PCDHGB4: variants seen among roughly 807,000 people sequenced by gnomAD.
PCDHGB4 encodes protocadherin gamma subfamily B, 4, also known as protocadherin gamma-B4.
A neutral mutation model predicts 60.5 loss-of-function variants in PCDHGB4; 38 were observed. The ratio of observed to expected loss-of-function variants is 0.63; its 90% CI spans 0.48 to 0.82. The LOEUF (loss-of-function observed/expected upper bound fraction) is 0.82, where lower values mean the gene tolerates loss of function less well. Ranked by LOEUF, PCDHGB4 falls within the 40% of genes least tolerant of loss-of-function variation. The probability of loss-of-function intolerance (pLI) is 0.00; values close to 1 mark genes in which losing one functional copy is unlikely to be tolerated. For missense variants in PCDHGB4, 1,109 were observed against 1,209.6 expected, an observed-to-expected ratio of 0.92 and a Z score of 1.23; for synonymous variants, 456 against 509.7, an observed-to-expected ratio of 0.89 and a Z score of 1.42.
intron 1 of PCDHGB4, chr5:141,398,312 C>A: frequency 1.5e-6 from 2 of 1,355,208 alleles, no homozygotes; most frequent in East Asian, 2.5e-5. Flanking sequence ...CAGGAGTTAC[C>A]GACTCGAAAA....
chr5:141,417,709 C>T lies in PCDHGB4; in HGVS notation c.2397+27428C>T, dbSNP rs533902963. 1.5e-5 allele frequency: 18 copies of T among 1,238,872 alleles called. No individual in the cohort carries two copies. The East Asian group carries it at 1.8e-4, about 12-fold the overall frequency. 76.7% of individuals were successfully genotyped at this position (1,238,872 alleles called of 1,614,324 possible). ...AAGAAAACCAGCTCCCACACAGAGG[C>T]TCCCGGCTGCGCAGACCTTGCCCAG... On this transcript the variant is annotated intron_variant, in intron 1 of 3. Coordinates refer to ENST00000519479, the MANE Select transcript of PCDHGB4 (RefSeq NM_003736.4).
intron 1 of PCDHGB4, chr5:141,421,720 G>T: frequency 6.2e-7 from 1 of 1,613,906 alleles, no homozygotes. Context: ...AGATGTGGGC[G>T]TGAACTCCCT....
rs2091950734 is a variant in PCDHGB4 at position 141,389,862 on chromosome 5, C to T, written c.1978C>T (p.Leu660=). ...PPLSATATLH[L]VFADSLQEVL... ...ACTCTCGGCCACTGCCACGTTGCAC[C>T]TGGTCTTCGCCGACAGCTTGCAGGA... The change falls in exon 1 of 4, where the codon CTG becomes TTG. Residue 660 remains leucine (L), a synonymous_variant. Coordinates refer to ENST00000519479, the MANE Select transcript of PCDHGB4 (RefSeq NM_003736.4). 1 of 1,613,964 alleles carries T rather than the reference C, an allele frequency of 6.2e-7. No homozygotes were observed. The highest frequency in any genetic ancestry group is 1.3e-5 in the African/African-American group (1 of 74,956).
intron 1 of PCDHGB4, chr5:141,416,112 T>C (rs555358881): frequency 6.4e-6 from 1 of 156,492 alleles, no homozygotes; most frequent in Non-Finnish European, 1.4e-5. Context: ...TTTTTCAAAC[T>C]ACATTTTATA....
chr5:141,501,302 C>T (rs886901737), intron 2 of PCDHGB4, among the ~76,000 whole-genome samples: 14 of 151,156 alleles, frequency 9.3e-5, no homozygotes, highest in African/African-American at 2.9e-4. Flanking sequence ...CACACACACA[C>T]ACACACACAC....
chr5:141,428,594 G>A (rs1317075888), intron 1 of PCDHGB4: 4 of 227,916 alleles, frequency 1.8e-5, no homozygotes, highest in African/African-American at 9.1e-5. Context: ...CTGGTAGCAA[G>A]CTTCACTGAA....
At position 141,431,914 on chromosome 5, in the gene PCDHGB4, C is replaced by A. The variant is rs745837291; in HGVS notation, c.2397+41633C>A. 6.2e-7 allele frequency: 1 copy of A among 1,613,912 alleles called. No individual in the cohort carries two copies. Among genetic ancestry groups the A allele is most frequent in the African/African-American group, 1.3e-5 (1 of 75,070 alleles). On this transcript the variant is annotated intron_variant, in intron 1 of 3. Transcript: ENST00000519479. The surrounding 1 kb of genome is among the most constrained non-coding windows in gnomAD (Gnocchi z 4.8). ...AGGAAAACGGACAGGTGATCTGTTT[C>A]ATCCAAGGAAATCTGCCCTTTAAAT...
intron 1 of PCDHGB4, chr5:141,418,787 G>A: frequency 6.2e-7 from 1 of 1,613,794 alleles, no homozygotes; most frequent in Non-Finnish European, 8.5e-7. Context: ...TTTGGATTTT[G>A]AAGAAGTAGA....
At chr5:141,426,480 C>T (rs1379758117) in intron 1 of PCDHGB4, 4 of 325,590 alleles carry the variant, frequency 1.2e-5, no homozygotes, top group Non-Finnish European at 1.8e-5. Flanking sequence ...TGACCTGAAA[C>T]CTTAGAGTTA....
intron 1 of PCDHGB4, among the ~76,000 whole-genome samples, chr5:141,401,288 G>A (rs973425272): frequency 1.3e-5 from 2 of 152,094 alleles, no homozygotes; most frequent in Non-Finnish European, 2.9e-5. Flanking sequence ...GTTGCGGTGA[G>A]CCGAGATCAC....
chr5:141,489,314 G>T lies in PCDHGB4; in HGVS notation c.2398-5493G>T. ...TGCATGTTGTCCTTGTGCTGCTGGG[G>T]CTGGGTGTCTGGGCAGCTTCGTTAC... On this transcript the variant is annotated intron_variant, in intron 1 of 3. Transcript: ENST00000519479. This position sits in a 1 kb window ranked among gnomAD's most constrained non-coding sequence, Gnocchi z 4.5. 6.3e-7 allele frequency: 1 copy of T among 1,596,908 alleles called. No individual in the cohort carries two copies. The highest frequency in any genetic ancestry group is 8.5e-7 in the Non-Finnish European group (1 of 1,170,694).
chr5:141,436,040 C>A (rs989038133), intron 1 of PCDHGB4, among the ~76,000 whole-genome samples: 2 of 152,060 alleles, frequency 1.3e-5, no homozygotes, highest in African/African-American at 4.8e-5. Context: ...TTTGTATTTA[C>A]ATTAGTTTTC....
chr5:141,395,070 T>G lies in PCDHGB4; in HGVS notation c.2397+4789T>G. Reference sequence around the variant, plus strand: ...GGAGGTACAGGCTTTCCTGCAGACCTATTCCCAGGAAGTCTCCCTCACCGC... The same window carrying G: ...GGAGGTACAGGCTTTCCTGCAGACCGATTCCCAGGAAGTCTCCCTCACCGC... On this transcript the variant is annotated intron_variant, in intron 1 of 3. Transcript: ENST00000519479. 1 of 1,614,158 alleles carries G rather than the reference T, an allele frequency of 6.2e-7. No homozygotes were observed. The highest frequency in any genetic ancestry group is 1.3e-5 in the African/African-American group (1 of 75,046).
At chr5:141,393,319 G>A (rs2092728293) in intron 1 of PCDHGB4, 1 of 1,612,192 alleles carries the variant, frequency 6.2e-7, no homozygotes, top group Admixed American at 1.7e-5. Flanking sequence ...TCCCTCCAGA[G>A]CTACCAGCTC....
chr5:141,422,115 T>C, intron 1 of PCDHGB4: 1 of 1,605,004 alleles, frequency 6.2e-7, no homozygotes, highest in South Asian at 1.1e-5. Context: ...TCCAATTGGA[T>C]TCACAAACTG....
Position 141,485,089 on chromosome 5 carries a change from G to A in PCDHGB4, c.2398-9718G>A. The stretch of plus-strand genomic sequence containing the variant: ...GAGCTGGCGCGGGGAAAGGGAGATA[G>A]GTGTCTCCAGCTGCTGTGGCTGTTT... On this transcript the variant is annotated intron_variant, in intron 1 of 3. Coordinates refer to ENST00000519479, the MANE Select transcript of PCDHGB4 (RefSeq NM_003736.4). This position sits in a 1 kb window ranked among gnomAD's most constrained non-coding sequence, Gnocchi z 5.7. 1 of 1,027,236 alleles carries A rather than the reference G, an allele frequency of 9.7e-7. No homozygotes were observed. The highest frequency in any genetic ancestry group is 1.5e-6 in the Non-Finnish European group (1 of 674,564). 63.6% of individuals were successfully genotyped at this position (1,027,236 alleles called of 1,614,324 possible). A position where few individuals can be genotyped will look rare whatever the true frequency, so the allele number is the denominator to read the frequency against.
chr5:141,507,368 T>C (rs1446319165), intron 3 of PCDHGB4: 2 of 152,094 alleles, frequency 1.3e-5, no homozygotes, highest in Non-Finnish European at 2.9e-5. Context: ...GGGAGCCCTG[T>C]ACTTTTATTT....
chr5:141,406,375 T>C (rs1427638211), intron 1 of PCDHGB4, among the ~76,000 whole-genome samples: 1 of 152,186 alleles, frequency 6.6e-6, no homozygotes, highest in Non-Finnish European at 1.5e-5. Flanking sequence ...GGTAAACTGA[T>C]AAAAAGGTAA....
In PCDHGB4 at chr5:141,389,354, G is replaced by A; in HGVS notation, c.1470G>A (p.Met490Ile). The A allele has an allele frequency of 3.1e-6, 5 of 1,613,934 alleles. No individual in the cohort carries two copies. The highest frequency in any genetic ancestry group is 2.7e-5 in the African/African-American group (2 of 75,066). The stretch of plus-strand genomic sequence containing the variant: ...ACGGCCAAGTCTCTTACTGCATCAT[G>A]GCCAGTGACCTGGAGCAGCGGGAGC... ...GPNGQVSYCIMASDLEQRELS... is the reference protein window; with the variant it reads ...GPNGQVSYCIIASDLEQRELS... The change falls in exon 1 of 4, where the codon ATG becomes ATA. Residue 490 changes from methionine to isoleucine, a missense_variant. Coordinates refer to ENST00000519479, the MANE Select transcript of PCDHGB4 (RefSeq NM_003736.4).
Sources: gnomAD v4.1 joint callset for allele counts (sites outside exome capture counted in the v4.1 genomes callset) on GRCh38, gnomAD v4.1.1 for gene constraint, Gnocchi (gnomAD v3.1) non-coding constraint, MANE v1.5 for transcripts, NCBI Gene and HGNC (gene_info 2026-07-23, HGNC 2026-07-21) for gene names.